Variants in EIF4G1 observed in about 807,000 individuals in gnomAD.
The protein encoded by EIF4G1 is eukaryotic translation initiation factor 4 gamma 1, also known as EIF4-gamma.
EIF4G1 carries 4 observed loss-of-function variants against 187.8 expected under a neutral mutation model. That is an observed-to-expected ratio of 0.02 (90% CI 0.01 to 0.05). The LOEUF is 0.05. Ranked by LOEUF, EIF4G1 falls within the 10% of genes least tolerant of loss-of-function variation. EIF4G1 has a pLI of 1.00. For missense variants in EIF4G1, 1,647 were observed against 2,081.1 expected, an observed-to-expected ratio of 0.79 and a Z score of 4.06; for synonymous variants, 844 against 781.4, an observed-to-expected ratio of 1.08 and a Z score of -1.34.
chr3:184,320,701 C>T lies in EIF4G1; in HGVS notation c.609C>T (p.Ala203=), dbSNP rs1577201632. ...TEEIMSGART[A]STPTPPQTGG... is the part of the protein sequence containing the mutation. ...AGATCATGTCTGGGGCCCGCACTGC[C>T]TCCACACCCACCCCTCCCCAGGTAC... The change falls in exon 8 of 33, where the codon GCC becomes GCT. Residue 203 remains alanine (A), a synonymous_variant. Coordinates refer to ENST00000346169, the MANE Select transcript of EIF4G1 (RefSeq NM_198241.3). The T allele has an allele frequency of 1.9e-6, 3 of 1,614,174 alleles. No homozygotes were observed. The highest frequency in any genetic ancestry group is 2.5e-6 in the Non-Finnish European group (3 of 1,180,030).
intron 28 of EIF4G1, among the ~76,000 whole-genome samples, chr3:184,329,594 C>T: frequency 6.6e-6 from 1 of 152,148 alleles, no homozygotes; most frequent in South Asian, 2.1e-4. Context: ...TGCCACTGCA[C>T]TCCAGCCTGG....
Position 184,315,871 on chromosome 3 carries a change from AT to A in EIF4G1, c.60+17del. ...GACTCCCACAGGTAATTAGGGAGGA[AT>A]TAGCAGGGGTGGGGGTGGGGGAGAC... On this transcript the variant is annotated intron_variant, in intron 3 of 32. Transcript: ENST00000346169. 1 of 1,377,532 alleles carries A rather than the reference AT, an allele frequency of 7.3e-7. No individual in the cohort carries two copies. Among genetic ancestry groups the A allele is most frequent in the Non-Finnish European group, 9.7e-7 (1 of 1,031,910 alleles). 85.3% of individuals were successfully genotyped at this position (1,377,532 alleles called of 1,614,324 possible). A position where few individuals can be genotyped will look rare whatever the true frequency, so the allele number is the denominator to read the frequency against.
chr3:184,328,602 A>T, intron 26 of EIF4G1, 29 bp from the exon 27 acceptor site: 1 of 1,614,054 alleles, frequency 6.2e-7, no homozygotes, highest in Non-Finnish European at 8.5e-7. Flanking sequence ...CCTGGCCTAG[A>T]ATGTCTTGAC....
chr3:184,319,869 A>T, intron 7 of EIF4G1, 68 bp downstream of exon 7: 1 of 1,162,290 alleles, frequency 8.6e-7, no homozygotes, highest in South Asian at 1.3e-5. Flanking sequence ...CTGCTGGGAC[A>T]TTGTGCCGGA....
rs373769088 is a variant in EIF4G1, at chr3:184,317,371, G to A, written c.198G>A (p.Val66=). The A allele has an allele frequency of 1.1e-5, 17 of 1,613,984 alleles. No homozygotes were observed. Among genetic ancestry groups the A allele is most frequent in the African/African-American group, 9.3e-5 (7 of 74,904 alleles). ...AQPPSSAASR[V]QSAAPARPGP... Reference sequence around the variant, plus strand: ...CCCCGAGCAGTGCAGCCTCCCGAGTGCAGAGTGCAGCCCCTGCCCGCCCTG... The same window carrying A: ...CCCCGAGCAGTGCAGCCTCCCGAGTACAGAGTGCAGCCCCTGCCCGCCCTG... Residue 66 remains valine, a synonymous_variant, in exon 5 of 33, where the codon GTG becomes GTA. Transcript: ENST00000346169.
In EIF4G1 at chr3:184,325,075, C is replaced by A; in HGVS notation, c.2817C>A (p.Leu939=). The change falls in exon 18 of 33, where the codon CTC becomes CTA. Residue 939 remains leucine (L), a synonymous_variant. Transcript: ENST00000346169. This position sits in a 1 kb window ranked among gnomAD's most constrained non-coding sequence, Gnocchi z 5.2. ...EESLECLCRL[L]TTIGKDLDFE... is the part of the protein sequence containing the mutation. ...CCCTTGAGTGCCTTTGTCGTCTGCT[C>A]ACCACCATTGGCAAAGACCTGGACT... The A allele has an allele frequency of 6.2e-7, 1 of 1,614,194 alleles. No homozygotes were observed. Among genetic ancestry groups the A allele is most frequent in the South Asian group, 1.1e-5 (1 of 91,084 alleles).
In EIF4G1 at chr3:184,317,770, C is replaced by G. The variant is rs1723051054; in HGVS notation, c.378C>G (p.Ala126=). 1 of 1,614,038 alleles carries G rather than the reference C, an allele frequency of 6.2e-7. No homozygotes were observed. Among genetic ancestry groups the G allele is most frequent in the South Asian group, 1.1e-5 (1 of 91,084 alleles). Residue 126 remains alanine, a synonymous_variant, in exon 6 of 33, where the codon GCC becomes GCG. Transcript: ENST00000346169. ...PTQQYPVQPG[A]PGFYPGASPT... ...AGCAGTACCCTGTGCAGCCAGGAGCCCCAGGCTTCTATCCAGGTGCAAGCC... is the reference window on the plus strand; with the variant it reads ...AGCAGTACCCTGTGCAGCCAGGAGCGCCAGGCTTCTATCCAGGTGCAAGCC...
chr3:184,326,016 A>G, intron 21 of EIF4G1, 65 bp downstream of exon 21: 1 of 1,536,882 alleles, frequency 6.5e-7, no homozygotes, highest in South Asian at 1.1e-5. Flanking sequence ...TCACTTTTCT[A>G]AAGTTGAGAA....
chr3:184,315,271 C>T, intron 1 of EIF4G1: 1 of 453,446 alleles, frequency 2.2e-6, no homozygotes, highest in Non-Finnish European at 4.4e-6. Context: ...GGCCTAGCTT[C>T]TGGCCCAGTG....
chr3:184,321,737 G>C lies in EIF4G1; in HGVS notation c.1153G>C (p.Ala385Pro), dbSNP rs1723928789. The C allele has an allele frequency of 1.3e-6, 2 of 1,598,692 alleles. No individual in the cohort carries two copies. The highest frequency in any genetic ancestry group is 1.1e-5 in the South Asian group (1 of 89,568). Residue 385 changes from alanine to proline, a missense_variant, in exon 10 of 33, where the codon GCT (alanine) becomes CCT (proline). This residue lies in a region of EIF4G1 where 522 missense variants were observed against 485.2 expected (regional missense o/e 1.08). Coordinates refer to ENST00000346169, the MANE Select transcript of EIF4G1 (RefSeq NM_198241.3). Reference protein sequence around the residue: ...ESSPELAPPPACPSESPVPIA... With the variant: ...ESSPELAPPPPCPSESPVPIA... ...AAGCCCAGAGCTTGCTCCTCCCCCAGCTTGCCCCTCCGAATCCCCTGTGCC... is the reference window on the plus strand; with the variant it reads ...AAGCCCAGAGCTTGCTCCTCCCCCACCTTGCCCCTCCGAATCCCCTGTGCC...
Position 184,315,898 on chromosome 3 carries a change from C to G in EIF4G1, c.60+42C>G, listed in dbSNP as rs1402082808. The G allele has an allele frequency of 1.5e-5, 23 of 1,528,614 alleles. No individual in the cohort carries two copies. In the Middle Eastern group the frequency reaches 5.7e-4, roughly 38 times the overall value. 94.7% of individuals were successfully genotyped at this position (1,528,614 alleles called of 1,614,324 possible). On this transcript the variant is annotated intron_variant, in intron 3 of 32. Coordinates refer to ENST00000346169, the MANE Select transcript of EIF4G1 (RefSeq NM_198241.3). ...TAGCAGGGGTGGGGGTGGGGGAGAC[C>G]AGGCAGTCTCCAGCCTCTGGATCTT...
At chr3:184,329,414 C>T (rs1388549428) in intron 28 of EIF4G1, among the ~76,000 whole-genome samples, 6 of 152,122 alleles carry the variant, frequency 3.9e-5, no homozygotes, top group Non-Finnish European at 7.4e-5. Flanking sequence ...GGGTGGATCA[C>T]GAGGTCAGGA....
rs762162147 is a variant in EIF4G1, at chr3:184,324,342, G to A, written c.2614G>A (p.Ala872Thr). The change falls in exon 17 of 33, where the codon GCT (alanine) becomes ACT (threonine). Residue 872 changes from alanine to threonine, a missense_variant. By Grantham distance (58) the Ala-to-Thr change is moderately conservative. This residue lies in a region of EIF4G1 where 40 missense variants were observed against 42.2 expected (regional missense o/e 0.95). Coordinates refer to ENST00000346169, the MANE Select transcript of EIF4G1 (RefSeq NM_198241.3). ...GAAGCAAAAAGAGATGGATGAAGCT[G>A]CTACGGTGAGAGAAAACCCACTATC... ...EKKQKEMDEAATAEERGRLKE... is the reference protein window; with the variant it reads ...EKKQKEMDEATTAEERGRLKE... 2 of 1,614,212 alleles carry A rather than the reference G, an allele frequency of 1.2e-6. No homozygotes were observed. Among genetic ancestry groups the A allele is most frequent in the East Asian group, 2.2e-5 (1 of 44,890 alleles).
rs570528392 is a variant in EIF4G1 at position 184,326,994 on chromosome 3, C to A, written c.3428+11C>A. The A allele has an allele frequency of 6.2e-7, 1 of 1,614,124 alleles. No homozygotes were observed. The highest frequency in any genetic ancestry group is 1.3e-5 in the African/African-American group (1 of 75,042). ...ACGTGTGGTGCAGAGGTGAGGTTTC[C>A]TGGACATCTTTGTTATTCACACTGG... On this transcript the variant is annotated intron_variant, in intron 23 of 32. Coordinates refer to ENST00000346169, the MANE Select transcript of EIF4G1 (RefSeq NM_198241.3).
intron 8 of EIF4G1, 21 bp downstream of exon 8, chr3:184,320,743 G>A: frequency 1.9e-6 from 3 of 1,614,156 alleles, no homozygotes; most frequent in Non-Finnish European, 1.7e-6. Flanking sequence ...CTTTTCGAGT[G>A]ATACCCTGGC....
rs1408557472 is a variant in EIF4G1 at position 184,328,918 on chromosome 3, A to G, written c.4089A>G (p.Thr1363=). 11 of 1,614,046 alleles carry G rather than the reference A, an allele frequency of 6.8e-6. No homozygotes were observed. The highest frequency in any genetic ancestry group is 2.7e-5 in the African/African-American group (2 of 74,916). Residue 1363 remains threonine (T), a synonymous_variant, in exon 28 of 33, where the codon ACA becomes ACG. Transcript: ENST00000346169. ...TTTTCTCTTCTTGTAGGGAGATTACAAAGCCTCTGAGACCGTTGGGCAAAG... is the reference window on the plus strand; with the variant it reads ...TTTTCTCTTCTTGTAGGGAGATTACGAAGCCTCTGAGACCGTTGGGCAAAG... ...VPMGELFREI[T]KPLRPLGKAA...
Position 184,322,952 on chromosome 3 carries a change from A to G in EIF4G1, c.1927A>G (p.Lys643Glu). The G allele has an allele frequency of 6.2e-7, 1 of 1,614,156 alleles. No individual in the cohort carries two copies. Among genetic ancestry groups the G allele is most frequent in the Admixed American group, 1.7e-5 (1 of 60,024 alleles). Residue 643 changes from lysine to glutamate, a missense_variant and splice_region_variant, in exon 13 of 33, where the codon AAG (lysine) becomes GAG (glutamate). Lys to Glu is a moderately conservative substitution (Grantham distance 56). Around this residue, in one of 11 missense-constraint regions of EIF4G1, gnomAD observed 140 missense variants for 222.2 expected, o/e 0.63. Coordinates refer to ENST00000346169, the MANE Select transcript of EIF4G1 (RefSeq NM_198241.3). Reference protein sequence around the residue: ...LPHISDVVLDKANKTPLRPLD... With the variant: ...LPHISDVVLDEANKTPLRPLD... ...ACATATCAGTGACGTGGTGCTGGACAAGGTTAGTGGCTTCAGTTGGGGAGG... is the reference window on the plus strand; with the variant it reads ...ACATATCAGTGACGTGGTGCTGGACGAGGTTAGTGGCTTCAGTTGGGGAGG...
At chr3:184,319,907 C>A in intron 7 of EIF4G1, 106 bp downstream of exon 7, 5 of 835,716 alleles carry the variant, frequency 6.0e-6, no homozygotes, top group Non-Finnish European at 1.0e-5. Flanking sequence ...GAGGAAGGAG[C>A]TGAGAGTGGG....
chr3:184,318,288 TAAAC>T (rs1723136320), intron 6 of EIF4G1, among the ~76,000 whole-genome samples: 1 of 152,240 alleles, frequency 6.6e-6, no homozygotes, highest in Non-Finnish European at 1.5e-5. Flanking sequence ...ATGCAAAATT[TAAAC>T]AAATACACTT....
Sources: allele counts gnomAD v4.1 joint callset (sites outside exome capture counted in the v4.1 genomes callset), GRCh38; gene constraint gnomAD v4.1.1; regional missense constraint gnomAD v4.1.1; non-coding constraint Gnocchi (gnomAD v3.1); transcripts MANE v1.5; gene names NCBI Gene and HGNC (gene_info 2026-07-23, HGNC 2026-07-21).